Variants in ZNF468 observed in about 807,000 individuals in gnomAD.
ZNF468 encodes the protein zinc finger protein ZNF468.
In ZNF468, 8 loss-of-function variants were observed where a neutral mutation model predicts 7.2. The observed-to-expected ratio is 1.11, with a 90% CI of 0.65 to 2.01. The LOEUF (loss-of-function observed/expected upper bound fraction) is 2.01, where lower values mean the gene tolerates loss of function less well. Ranked by LOEUF, ZNF468 falls within the 30% of genes most tolerant of loss-of-function variation. The probability of loss-of-function intolerance (pLI) is 0.00; values close to 1 mark genes in which losing one functional copy is unlikely to be tolerated. For missense variants in ZNF468, 608 were observed against 626.5 expected (o/e 0.97, Z 0.31); for synonymous variants, 218 against 214.4 (o/e 1.02, Z -0.15).
intron 1 of ZNF468, among the ~76,000 whole-genome samples, chr19:52,856,115 TCA>T (rs1449441545): frequency 6.6e-6 from 1 of 152,240 alleles, no homozygotes; most frequent in Non-Finnish European, 1.5e-5. Context: ...TACAAGAAAA[TCA>T]CACTAACATT....
chr19:52,851,125 A>C (rs1324226023), intron 2 of ZNF468, among the ~76,000 whole-genome samples: 1 of 151,996 alleles, frequency 6.6e-6, no homozygotes, highest in African/African-American at 2.4e-5. Flanking sequence ...ATACAAAAAA[A>C]ATTAGCCACG....
Position 52,854,282 on chromosome 19 carries a change from C to T in ZNF468, c.-10G>A. 1 of 1,613,800 alleles carries T rather than the reference C, an allele frequency of 6.2e-7. No homozygotes were observed. The highest frequency in any genetic ancestry group is 8.5e-7 in the Non-Finnish European group (1 of 1,179,812). On this transcript the variant is annotated 5_prime_UTR_variant, in exon 2 of 4. Coordinates refer to ENST00000595646, the MANE Select transcript of ZNF468 (RefSeq NM_001008801.2). ...CCTGAGGAAGAGCCATCCCTGACTC[C>T]TTTGCTTTCCTCTTCCTCTTCTGGG...
chr19:52,840,366 C>T lies in ZNF468; in HGVS notation c.*359G>A. 1 of 495,034 alleles carries T rather than the reference C, an allele frequency of 2.0e-6. No individual in the cohort carries two copies. The highest frequency in any genetic ancestry group is 4.3e-5 in the East Asian group (1 of 23,048). 30.7% of individuals were successfully genotyped at this position (495,034 alleles called of 1,614,324 possible). A position where few individuals can be genotyped will look rare whatever the true frequency, so the allele number is the denominator to read the frequency against. ...CAAGGTGTGAATTTTGACCAACGGT[C>T]TTGCCACACTCATTACACTTATAAT... is the stretch of plus-strand genomic sequence containing the variant. On this transcript the variant is annotated 3_prime_UTR_variant, in exon 4 of 4. Coordinates refer to ENST00000595646, the MANE Select transcript of ZNF468 (RefSeq NM_001008801.2).
intron 1 of ZNF468, among the ~76,000 whole-genome samples, chr19:52,857,038 T>C (rs543907616): frequency 2.1e-3 from 325 of 151,846 alleles, no homozygotes; most frequent in African/African-American, 7.5e-3. Context: ...CAGGCACCTC[T>C]CCAACGAGGG....
intron 1 of ZNF468, among the ~76,000 whole-genome samples, chr19:52,855,632 C>T (rs1438217501): frequency 6.6e-6 from 1 of 151,996 alleles, no homozygotes; most frequent in African/African-American, 2.4e-5. Context: ...AGACAAAGGC[C>T]TCCAAAGATC....
At position 52,840,117 on chromosome 19, in the gene ZNF468, T is replaced by C; in HGVS notation, c.*608A>G. 1.7e-6 allele frequency: 1 copy of C among 580,652 alleles called. No individual in the cohort carries two copies. The highest frequency in any genetic ancestry group is 2.8e-6 in the Non-Finnish European group (1 of 356,780). 36.0% of individuals were successfully genotyped at this position (580,652 alleles called of 1,614,324 possible). The stretch of plus-strand genomic sequence containing the variant: ...CGAAAGCCTTGTCACAAACCTTACA[T>C]TTCTATGGCTTTTCTCCAGTGTGAA... On this transcript the variant is annotated 3_prime_UTR_variant, in exon 4 of 4. Coordinates refer to ENST00000595646, the MANE Select transcript of ZNF468 (RefSeq NM_001008801.2).
chr19:52,845,855 T>C (rs754447908), intron 3 of ZNF468, among the ~76,000 whole-genome samples: 66 of 151,498 alleles, frequency 4.4e-4, no homozygotes, highest in Non-Finnish European at 8.0e-4. Context: ...AACACAAAAT[T>C]AGATGGCTGT....
At position 52,854,495 on chromosome 19, in the gene ZNF468, T is replaced by C. The variant is rs73069445; in HGVS notation, c.-73-150A>G. The C allele has an allele frequency of 1.0e-2, 8,283 of 830,348 alleles. 70 individuals carry two copies. The highest frequency in any genetic ancestry group is 0.012 in the Middle Eastern group (33 of 2,732). The allele number at this position is 830,348 out of a possible 1,614,324, so 51.4% of individuals were successfully genotyped here. The stretch of plus-strand genomic sequence containing the variant: ...GAACAAAAAATTCCTACAGGAAAAC[T>C]CCCACTCTCCTCCTGGAGAAGCCCA... On this transcript the variant is annotated intron_variant, in intron 1 of 3. Transcript: ENST00000595646.
rs2063309292 is a variant in ZNF468 at position 52,842,134 on chromosome 19, T to A, written c.160A>T (p.Met54Leu). Residue 54 changes from methionine (M) to leucine (L), a missense_variant, in exon 4 of 4, where the codon ATG (methionine) becomes TTG (leucine). Physicochemically the swap from Met to Leu is conservative, Grantham distance 15 (BLOSUM62 2). Transcript: ENST00000595646. ...CCTGTTGACGACAACGTCTTCAACA[T>A]GCATTTGGAAGAGATATCTACAAAA... ...LVSLDISSKC[M>L]LKTLSSTGQG... 9.4e-6 allele frequency: 15 copies of A among 1,592,684 alleles called. No homozygotes were observed. Among genetic ancestry groups the A allele is most frequent in the Non-Finnish European group, 1.3e-5 (15 of 1,168,800 alleles).
rs996856680 is a variant in ZNF468, at chr19:52,841,424, T to C, written c.870A>G (p.Lys290=). ...AAGGTTTCTCTCCAGTATGAAGCGC[T>C]TTGTGAATGAAGAGGGATGAATTAT... is the stretch of plus-strand genomic sequence containing the variant. The part of the protein sequence containing the change: ...FGHNSSLFIH[K]ALHTGEKPYE... Residue 290 remains lysine (K), a synonymous_variant, in exon 4 of 4, where the codon AAA becomes AAG. Coordinates refer to ENST00000595646, the MANE Select transcript of ZNF468 (RefSeq NM_001008801.2). 5 of 1,613,730 alleles carry C rather than the reference T, an allele frequency of 3.1e-6. No individual in the cohort carries two copies. The highest frequency in any genetic ancestry group is 1.7e-5 in the Admixed American group (1 of 59,976).
At chr19:52,849,404 AC>A in intron 2 of ZNF468, 191 bp from the exon 3 acceptor site, 1 of 1,116,756 alleles carries the variant, frequency 9.0e-7, no homozygotes, top group Non-Finnish European at 1.2e-6. Context: ...TATTATCAAG[AC>A]ATACTCTCAG....
chr19:52,856,847 T>C (rs2063444499), intron 1 of ZNF468, among the ~76,000 whole-genome samples: 1 of 152,016 alleles, frequency 6.6e-6, no homozygotes, highest in African/African-American at 2.4e-5. Context: ...GTCTTTCTCA[T>C]TCTTCTTTTC....
At position 52,841,486 on chromosome 19, in the gene ZNF468, G is replaced by A. The variant is rs1568674314; in HGVS notation, c.808C>T (p.Pro270Ser). Residue 270 changes from proline (P) to serine (S), a missense_variant, in exon 4 of 4, where the codon CCT becomes TCT. Pro to Ser is a moderately conservative substitution (Grantham distance 74). Coordinates refer to ENST00000595646, the MANE Select transcript of ZNF468 (RefSeq NM_001008801.2). The stretch of plus-strand genomic sequence containing the variant: ...TTGCCACACTCATTACACTTGTAAG[G>A]TTTCTCACCAGTGTGACATCTACGA... ...CHRRCHTGEK[P>S]YKCNECGKTF... is the part of the protein sequence containing the mutation. 1 of 1,614,124 alleles carries A rather than the reference G, an allele frequency of 6.2e-7. No homozygotes were observed. The highest frequency in any genetic ancestry group is 8.5e-7 in the Non-Finnish European group (1 of 1,180,012).
chr19:52,851,902 G>A (rs910011198), intron 2 of ZNF468, among the ~76,000 whole-genome samples: 4 of 152,026 alleles, frequency 2.6e-5, no homozygotes, highest in Non-Finnish European at 4.4e-5. Context: ...ATATGTGTTT[G>A]TATATATGCA....
intron 3 of ZNF468, among the ~76,000 whole-genome samples, chr19:52,848,676 T>C (rs1264094389): frequency 6.6e-6 from 1 of 152,092 alleles, no homozygotes; most frequent in Non-Finnish European, 1.5e-5. Context: ...TCAGCCTCTC[T>C]AGGAGCTGGG....
chr19:52,840,775 T>A lies in ZNF468; in HGVS notation c.1519A>T (p.Met507Leu). 2 of 1,613,494 alleles carry A rather than the reference T, an allele frequency of 1.2e-6. No individual in the cohort carries two copies. Among genetic ancestry groups the A allele is most frequent in the Non-Finnish European group, 1.7e-6 (2 of 1,179,624 alleles). The change falls in exon 4 of 4, where the codon ATG becomes TTG. Residue 507 changes from methionine (M) to leucine (L), a missense_variant. Met to Leu is a conservative substitution (Grantham distance 15, BLOSUM62 2). Coordinates refer to ENST00000595646, the MANE Select transcript of ZNF468 (RefSeq NM_001008801.2). ...CNECGKTFSQ[M>L]SSLVYHHRLH... Reference sequence around the variant, plus strand: ...CTATGATGGTATACAAGGGATGACATCTGACTGAAGGTCTTGCCACACTCA... The same window carrying A: ...CTATGATGGTATACAAGGGATGACAACTGACTGAAGGTCTTGCCACACTCA...
Position 52,840,865 on chromosome 19 carries a change from C to G in ZNF468, c.1429G>C (p.Gly477Arg), listed in dbSNP as rs10419826. The G allele has an allele frequency of 0.46, 738,267 of 1,604,892 alleles. 177,844 individuals carry two copies. Among genetic ancestry groups the G allele is most frequent in the African/African-American group, 0.75 (55,751 of 74,348 alleles). The change falls in exon 4 of 4, where the codon GGT becomes CGT. Residue 477 changes from glycine (G) to arginine (R), a missense_variant. Physicochemically the swap from Gly to Arg is moderately radical, Grantham distance 125. Coordinates refer to ENST00000595646, the MANE Select transcript of ZNF468 (RefSeq NM_001008801.2). ...YKCNECGKTFGQTSSLIIHRR... is the reference protein window; with the variant it reads ...YKCNECGKTFRQTSSLIIHRR... The stretch of plus-strand genomic sequence containing the variant: ...TGGATTATAAGCGATGATGTCTGAC[C>G]GAAGGTCTTGCCACACTCATTACAC...
At chr19:52,856,474 TCTATGCGCCTC>T (rs1373976927) in intron 1 of ZNF468, among the ~76,000 whole-genome samples, 1 of 46,642 alleles carries the variant, frequency 2.1e-5, no homozygotes. Context: ...TCTTCTCCCA[TCTATGCGCCTC>T]CTCTGCTCTC....
At position 52,850,848 on chromosome 19, in the gene ZNF468, G is replaced by C. The variant is rs1039487000; in HGVS notation, c.16-1635C>G. Among the ~76,000 whole-genome samples the C allele has an allele frequency of 3.3e-5, 5 of 151,804 alleles. No individual in the cohort carries two copies. In the East Asian group the frequency reaches 7.7e-4, roughly 23 times the overall value. ...CGGGAGGTGGAGCTTGCAGTGAGCC[G>C]AGATCGCGCCACTGCACTCCAGCCT... On this transcript the variant is annotated intron_variant, in intron 2 of 3. Coordinates refer to ENST00000595646, the MANE Select transcript of ZNF468 (RefSeq NM_001008801.2).
Sources: allele counts gnomAD v4.1 joint callset (sites outside exome capture counted in the v4.1 genomes callset), GRCh38; gene constraint gnomAD v4.1.1; transcripts MANE v1.5; gene names NCBI Gene and HGNC (gene_info 2026-07-23, HGNC 2026-07-21).